The following IFT74 variants were observed in gnomAD, a reference collection of about 807,000 sequenced individuals.
The protein encoded by IFT74 is intraflagellar transport 74, also known as intraflagellar transport protein 74 homolog.
A neutral mutation model predicts 96.7 loss-of-function variants in IFT74; 92 were observed. That is an observed-to-expected ratio of 0.95 (90% CI 0.80 to 1.13). The LOEUF (loss-of-function observed/expected upper bound fraction) is 1.13. Ranked by LOEUF, IFT74 falls within the 50% of genes most tolerant of loss-of-function variation. The pLI, the probability that IFT74 is intolerant of heterozygous loss-of-function variation, is 0.00. For synonymous variants in IFT74, 223 were observed against 213.2 expected (o/e 1.05, Z -0.40); for missense variants, 811 against 698.2 (o/e 1.16, Z -1.82).
At chr9:26,992,237 A>G (rs1827919171) in intron 8 of IFT74, among the ~76,000 whole-genome samples, 1 of 152,204 alleles carries the variant, frequency 6.6e-6, no homozygotes, top group South Asian at 2.1e-4. Flanking sequence ...AGAATGTCAT[A>G]GATTTTTACA....
chr9:27,020,006 C>T (rs575263091), intron 12 of IFT74, among the ~76,000 whole-genome samples: 4 of 150,780 alleles, frequency 2.7e-5, no homozygotes, highest in East Asian at 3.9e-4. Flanking sequence ...TACAGAGTCC[C>T]AGTTTGTCGC....
In IFT74 at chr9:27,065,103, A is replaced by G. The variant is rs917782385; in HGVS notation, c.*2367A>G. Among the ~76,000 whole-genome samples, 14 of 152,200 alleles carry G rather than the reference A, an allele frequency of 9.2e-5. No homozygotes were observed. The highest frequency in any genetic ancestry group is 1.9e-4 in the Non-Finnish European group (13 of 68,010). ...ATTAAATATATGTGTTTGCATTATA[A>G]CAATGGGAAATTTGGCAGGAAAAAA... On this transcript the variant is annotated 3_prime_UTR_variant, in exon 20 of 20. Transcript: ENST00000380062.
intron 18 of IFT74, among the ~76,000 whole-genome samples, chr9:27,058,666 G>A (rs1340967096): frequency 6.6e-6 from 1 of 152,208 alleles, no homozygotes. Flanking sequence ...GGGATTGCAG[G>A]TGTGAGCCAC....
chr9:27,036,740 AAG>A (rs1819218775), intron 13 of IFT74: 2 of 1,230,888 alleles, frequency 1.6e-6, no homozygotes, highest in African/African-American at 1.6e-5. Context: ...CTTACAGACT[AAG>A]AGAGAGCGTA....
At chr9:27,044,673 G>C (rs369882620) in intron 13 of IFT74, 69 bp from the exon 14 acceptor site, 99 of 861,430 alleles carry the variant, frequency 1.1e-4, no homozygotes, top group Non-Finnish European at 1.8e-4. Flanking sequence ...GAACCAAAGA[G>C]AGATTTTTAA....
At chr9:27,048,370 T>A in intron 16 of IFT74, 96 bp downstream of exon 16, 2 of 811,878 alleles carry the variant, frequency 2.5e-6, no homozygotes, top group Non-Finnish European at 3.7e-6. Flanking sequence ...GAGGCTATAA[T>A]TTATGATTGC....
At chr9:27,044,072 T>C (rs1819590613) in intron 13 of IFT74, among the ~76,000 whole-genome samples, 1 of 152,210 alleles carries the variant, frequency 6.6e-6, no homozygotes, top group African/African-American at 2.4e-5. Context: ...CTCATCTTTG[T>C]GCTACTTTTT....
At chr9:27,054,153 C>A (rs963736059) in intron 16 of IFT74, among the ~76,000 whole-genome samples, 3 of 152,072 alleles carry the variant, frequency 2.0e-5, no homozygotes, top group African/African-American at 7.2e-5. Context: ...CAGTGACTTT[C>A]GAAGCATTGT....
intron 12 of IFT74, among the ~76,000 whole-genome samples, chr9:27,023,458 C>T (rs977250683): frequency 3.9e-5 from 6 of 152,076 alleles, no homozygotes; most frequent in Non-Finnish European, 7.4e-5. Flanking sequence ...TGGTGTATCA[C>T]GTTTATTGAC....
intron 13 of IFT74, among the ~76,000 whole-genome samples, chr9:27,032,826 A>G (rs1387888171): frequency 6.6e-6 from 1 of 152,042 alleles, no homozygotes; most frequent in Non-Finnish European, 1.5e-5. Context: ...AGATCGCGCC[A>G]CTGCACTCCA....
intron 18 of IFT74, among the ~76,000 whole-genome samples, chr9:27,059,245 C>G (rs1174924715): frequency 2.0e-5 from 3 of 152,200 alleles, no homozygotes; most frequent in African/African-American, 7.2e-5. Context: ...AAATCCTGGT[C>G]TTCCTATCTT....
chr9:27,058,545 C>T (rs1481293436), intron 18 of IFT74, among the ~76,000 whole-genome samples: 1 of 152,112 alleles, frequency 6.6e-6, no homozygotes, highest in Middle Eastern at 3.2e-3. Context: ...GCCACCACGC[C>T]TGTCTAATTT....
At chr9:26,988,499 C>T (rs1290067150) in intron 6 of IFT74, among the ~76,000 whole-genome samples, 170 bp from the exon 7 acceptor site, 1 of 152,108 alleles carries the variant, frequency 6.6e-6, no homozygotes, top group East Asian at 1.9e-4. Flanking sequence ...TATATGCTTA[C>T]TTAGGTAGCT....
chr9:27,048,208 G>A lies in IFT74; in HGVS notation c.1267G>A (p.Asp423Asn), dbSNP rs1445256253. 1.2e-6 allele frequency: 2 copies of A among 1,604,864 alleles called. No homozygotes were observed. Among genetic ancestry groups the A allele is most frequent in the African/African-American group, 1.3e-5 (1 of 74,686 alleles). The change falls in exon 16 of 20, where the codon GAT (aspartate) becomes AAT (asparagine). Residue 423 changes from aspartate to asparagine, a missense_variant. Asp to Asn is a conservative substitution (Grantham distance 23). Transcript: ENST00000380062. ...ITNQELKMMQ[D>N]DLNFKSTEVQ... ...CAATCAAGAGCTAAAGATGATGCAG[G>A]ATGACCTCAATTTTAAATCTACTGA...
At chr9:26,994,661 G>A (rs1828053455) in intron 8 of IFT74, 1 of 152,378 alleles carries the variant, frequency 6.6e-6, no homozygotes, top group Admixed American at 6.6e-5. Context: ...TGTCTCTCTG[G>A]AAATTAGTAT....
At chr9:26,953,983 C>CA (rs1826008459), upstream of IFT74, among the ~76,000 whole-genome samples, 1 of 152,176 alleles carries the variant, frequency 6.6e-6, no homozygotes, top group African/African-American at 2.4e-5. Context: ...ACTGAGTACC[C>CA]ACTTGCTCCC....
chr9:27,010,341 T>A (rs1828994859), intron 9 of IFT74, among the ~76,000 whole-genome samples: 2 of 151,902 alleles, frequency 1.3e-5, no homozygotes, highest in African/African-American at 2.4e-5. Context: ...AAACATACAA[T>A]TAATTACTGA....
intron 1 of IFT74, among the ~76,000 whole-genome samples, chr9:26,958,996 C>T (rs1170280416): frequency 6.6e-6 from 1 of 152,176 alleles, no homozygotes; most frequent in Admixed American, 6.5e-5. Flanking sequence ...ACAGCACTGG[C>T]AATATTGGCA....
intron 2 of IFT74, among the ~76,000 whole-genome samples, chr9:26,975,834 C>T (rs1410730079): frequency 6.6e-6 from 1 of 152,200 alleles, no homozygotes; most frequent in East Asian, 1.9e-4. Context: ...TTTAGCCCCA[C>T]CTGTTGGAGG....
Sources: gnomAD v4.1 joint callset for allele counts (sites outside exome capture counted in the v4.1 genomes callset) on GRCh38, gnomAD v4.1.1 for gene constraint, MANE v1.5 for transcripts, NCBI Gene and HGNC (gene_info 2026-07-23, HGNC 2026-07-21) for gene names.